The following MYO18A variants were observed in gnomAD, a reference collection of about 807,000 sequenced individuals.
The protein encoded by MYO18A is myosin XVIIIA, also known as unconventional myosin-XVIIIa.
MYO18A carries 78 observed loss-of-function variants against 235.8 expected under a neutral mutation model. That is an observed-to-expected ratio of 0.33 (90% confidence interval 0.28 to 0.40). The LOEUF (loss-of-function observed/expected upper bound fraction) is 0.40, where lower values mean the gene tolerates loss of function less well. Ranked by LOEUF, MYO18A falls within the 10% of genes least tolerant of loss-of-function variation. The probability of loss-of-function intolerance (pLI) is 1.00; values close to 1 mark genes in which losing one functional copy is unlikely to be tolerated. For missense variants in MYO18A, 2,215 were observed against 2,699.3 expected, an observed-to-expected ratio of 0.82 and a Z score of 3.98; for synonymous variants, 977 against 1,077.8, an observed-to-expected ratio of 0.91 and a Z score of 1.83.
chr17:29,079,731 C>T, intron 41 of MYO18A: 1 of 986,066 alleles, frequency 1.0e-6, no homozygotes, highest in Non-Finnish European at 1.2e-6. Flanking sequence ...ACCTACTGCA[C>T]TAGTCGCTCT....
intron 39 of MYO18A, 103 bp downstream of exon 39, chr17:29,086,335 T>C (rs1262605176): frequency 3.6e-5 from 48 of 1,343,248 alleles, no homozygotes; most frequent in Non-Finnish European, 4.5e-5. Context: ...GGCTTGCTCA[T>C]GGGGAGGCAG....
intron 34 of MYO18A, chr17:29,091,426 G>A: frequency 3.0e-6 from 1 of 333,056 alleles, no homozygotes; most frequent in South Asian, 2.3e-5. Flanking sequence ...TCCAACAGCA[G>A]CTTCAGGAAA....
At chr17:29,177,808 A>G (rs2068565670) in intron 1 of MYO18A, among the ~76,000 whole-genome samples, 1 of 152,144 alleles carries the variant, frequency 6.6e-6, no homozygotes, top group South Asian at 2.1e-4. Flanking sequence ...AACAAAACCC[A>G]GCTCACGTGG....
At chr17:29,108,789 C>T (rs2152817222) in intron 19 of MYO18A, among the ~76,000 whole-genome samples, 1 of 145,228 alleles carries the variant, frequency 6.9e-6, no homozygotes, top group Middle Eastern at 3.4e-3. Context: ...GGACGCCTGG[C>T]ATCTTAATTA....
chr17:29,091,547 G>T (rs912501506), intron 34 of MYO18A: 9 of 446,638 alleles, frequency 2.0e-5, no homozygotes, highest in Middle Eastern at 7.6e-4. Context: ...CCTCCGCCAA[G>T]AAATTTATTA....
intron 40 of MYO18A, 52 bp downstream of exon 40, chr17:29,085,552 T>C (rs1320495291): frequency 1.3e-6 from 2 of 1,578,360 alleles, no homozygotes; most frequent in Admixed American, 3.4e-5. Context: ...GTGTTAGGGG[T>C]GGTTAGACAC....
At chr17:29,141,029 C>T (rs536125599) in intron 2 of MYO18A, among the ~76,000 whole-genome samples, 2 of 152,364 alleles carry the variant, frequency 1.3e-5, no homozygotes, top group Admixed American at 6.5e-5. Context: ...CCCACACGGG[C>T]AGGCCCACTT....
chr17:29,092,758 A>G lies in MYO18A; in HGVS notation c.5073+97T>C, dbSNP rs1159836266. ...CCTCTTTCCTGTCACTTTCCTTCCC[A>G]AGGACTCAAGAACCACTGAGAGGAG... is the stretch of plus-strand genomic sequence containing the variant. On this transcript the variant is annotated intron_variant, in intron 33 of 41. Transcript: ENST00000527372. 2.7e-6 allele frequency: 4 copies of G among 1,502,968 alleles called. No individual in the cohort carries two copies. In the East Asian group the frequency reaches 9.1e-5, roughly 34 times the overall value. 93.1% of individuals were successfully genotyped at this position (1,502,968 alleles called of 1,614,324 possible). A position where few individuals can be genotyped will look rare whatever the true frequency, so the allele number is the denominator to read the frequency against.
intron 23 of MYO18A, 135 bp downstream of exon 23, chr17:29,098,691 G>A: frequency 3.9e-6 from 5 of 1,282,078 alleles, no homozygotes; most frequent in Non-Finnish European, 4.3e-6. Context: ...ACCCCAGAGG[G>A]ACATCTTCTA....
rs569889703 is a variant in MYO18A at position 29,090,899 on chromosome 17, G to A, written c.5215C>T (p.Arg1739Cys). The change falls in exon 35 of 42, where the codon CGT (arginine) becomes TGT (cysteine). Residue 1739 changes from arginine (R) to cysteine (C), a missense_variant. Coordinates refer to ENST00000527372, the MANE Select transcript of MYO18A (RefSeq NM_078471.4). ...ALEEQLSRLQ[R>C]EKNEIQNRLE... ...CGGTTCTGGATCTCATTCTTCTCAC[G>A]CTGAAGGCGGCTCAGCTGCTCCTCC... 17 of 1,613,874 alleles carry A rather than the reference G, an allele frequency of 1.1e-5. No homozygotes were observed. In the South Asian group the frequency reaches 1.5e-4, roughly 15 times the overall value.
chr17:29,098,451 G>A lies in MYO18A; in HGVS notation c.3781-6C>T. On this transcript the variant is annotated splice_region_variant and splice_polypyrimidine_tract_variant and intron_variant, in intron 23 of 41. Transcript: ENST00000527372. ...CGCAGCTGCTGGATCTCCTCCTAGG[G>A]TGGACCAAAGAGGGCAAAGTGAGCC... 1.9e-6 allele frequency: 3 copies of A among 1,613,710 alleles called. No homozygotes were observed. Among genetic ancestry groups the A allele is most frequent in the Non-Finnish European group, 2.5e-6 (3 of 1,179,798 alleles).
At chr17:29,076,188 A>G (rs1030803408) in intron 41 of MYO18A, 4 of 152,962 alleles carry the variant, frequency 2.6e-5, no homozygotes, top group South Asian at 4.1e-4. Context: ...CAATAACCCT[A>G]TGAAATATTA....
chr17:29,095,989 G>A (rs945226189), intron 28 of MYO18A, among the ~76,000 whole-genome samples: 2 of 152,198 alleles, frequency 1.3e-5, no homozygotes, highest in African/African-American at 4.8e-5. Flanking sequence ...GGTGTCAGGT[G>A]GGAGGAATAG....
At chr17:29,110,139 T>G (rs1309291715) in intron 18 of MYO18A, 38 bp from the exon 19 acceptor site, 2 of 1,595,520 alleles carry the variant, frequency 1.3e-6, no homozygotes, top group Non-Finnish European at 1.7e-6. Flanking sequence ...TGGGCTCTGA[T>G]GGCCTGTGCT....
chr17:29,122,874 C>T (rs1041743797), intron 2 of MYO18A, among the ~76,000 whole-genome samples: 3 of 152,270 alleles, frequency 2.0e-5, no homozygotes, highest in Non-Finnish European at 4.4e-5. Context: ...TGCCCAGGTG[C>T]ACACATCAGC....
intron 41 of MYO18A, chr17:29,075,861 T>A (rs917599023): frequency 5.2e-5 from 8 of 153,128 alleles, no homozygotes; most frequent in African/African-American, 1.7e-4. Context: ...CTCCTACTGA[T>A]GCCCCACACT....
At chr17:29,100,531 C>T (rs915783605) in intron 21 of MYO18A, among the ~76,000 whole-genome samples, 1 of 152,188 alleles carries the variant, frequency 6.6e-6, no homozygotes, top group African/African-American at 2.4e-5. Context: ...CCCCCACGCC[C>T]GGCCTTTCCT....
At position 29,118,709 on chromosome 17, in the gene MYO18A, C is replaced by A. The variant is rs981040063; in HGVS notation, c.1830-269G>T. Among the ~76,000 whole-genome samples the A allele has an allele frequency of 6.6e-6, 1 of 152,186 alleles. No homozygotes were observed. Among genetic ancestry groups the A allele is most frequent in the Admixed American group, 6.5e-5 (1 of 15,280 alleles). On this transcript the variant is annotated intron_variant, in intron 8 of 41. Coordinates refer to ENST00000527372, the MANE Select transcript of MYO18A (RefSeq NM_078471.4). This position sits in a 1 kb window ranked among gnomAD's most constrained non-coding sequence, Gnocchi z 4.2. ...CCCGGAAGGGAGCAGGGAACCTGCCCGAAGGGTGAGTCCCGCCAAGGCAGA... is the reference window on the plus strand; with the variant it reads ...CCCGGAAGGGAGCAGGGAACCTGCCAGAAGGGTGAGTCCCGCCAAGGCAGA...
intron 2 of MYO18A, among the ~76,000 whole-genome samples, chr17:29,161,333 T>G (rs2152967855): frequency 1.5e-5 from 2 of 130,852 alleles, no homozygotes; most frequent in Admixed American, 9.0e-5. Context: ...CCAGCCTGGG[T>G]GACAAGAGTG....
Sources: gnomAD v4.1 joint callset for allele counts (sites outside exome capture counted in the v4.1 genomes callset) on GRCh38, gnomAD v4.1.1 for gene constraint, Gnocchi (gnomAD v3.1) non-coding constraint, MANE v1.5 for transcripts, NCBI Gene and HGNC (gene_info 2026-07-23, HGNC 2026-07-21) for gene names.